Variants in ZMAT4 observed in about 807,000 individuals in gnomAD.
The protein encoded by ZMAT4 is zinc finger matrin-type 4, also known as zinc finger matrin-type protein 4.
ZMAT4 carries 17 observed loss-of-function variants against 28.7 expected under a neutral mutation model. The observed-to-expected ratio is 0.59, with a 90% CI of 0.41 to 0.89. ZMAT4 has a LOEUF of 0.89. Among genes scored for constraint, ZMAT4 ranks in the 40% least tolerant of loss-of-function variants. The pLI is 0.00. For missense variants in ZMAT4, 240 were observed against 283.8 expected (o/e 0.85, Z 1.11); for synonymous variants, 117 against 109.2 (o/e 1.07, Z -0.44).
At chr8:40,578,803 G>T (rs920435034) in intron 6 of ZMAT4, among the ~76,000 whole-genome samples, 1 of 152,208 alleles carries the variant, frequency 6.6e-6, no homozygotes, top group Non-Finnish European at 1.5e-5. Flanking sequence ...TATAAGAGAT[G>T]TTCCCTTCTG....
chr8:40,555,830 T>G (rs1397892910), intron 6 of ZMAT4, among the ~76,000 whole-genome samples: 2 of 152,110 alleles, frequency 1.3e-5, no homozygotes, highest in Non-Finnish European at 1.5e-5. Context: ...CTCCTCCTAC[T>G]CACAGACAGG....
chr8:40,640,671 A>T (rs1019007485), intron 5 of ZMAT4, among the ~76,000 whole-genome samples: 10 of 152,054 alleles, frequency 6.6e-5, no homozygotes, highest in Non-Finnish European at 1.5e-5. Flanking sequence ...TTAAAAAAAA[A>T]GTATAGAGGC....
intron 4 of ZMAT4, among the ~76,000 whole-genome samples, chr8:40,684,091 A>C (rs989864714): frequency 6.6e-6 from 1 of 152,088 alleles, no homozygotes; most frequent in African/African-American, 2.4e-5. Context: ...TCAGATGGCT[A>C]CTAAATTATT....
chr8:40,689,828 A>G (rs1274349389), intron 4 of ZMAT4, among the ~76,000 whole-genome samples: 2 of 152,120 alleles, frequency 1.3e-5, no homozygotes, highest in Admixed American at 6.6e-5. Flanking sequence ...CCTTTATAAA[A>G]GTATGTCAAA....
At chr8:40,732,740 C>A (rs2150527556) in intron 3 of ZMAT4, among the ~76,000 whole-genome samples, 1 of 152,002 alleles carries the variant, frequency 6.6e-6, no homozygotes, top group South Asian at 2.1e-4. Context: ...GGCCCTGAGG[C>A]CTGGATGCCC....
chr8:40,877,497 A>G (rs1179373399), intron 1 of ZMAT4, among the ~76,000 whole-genome samples: 3 of 152,212 alleles, frequency 2.0e-5, no homozygotes, highest in Non-Finnish European at 4.4e-5. Flanking sequence ...GACAGGAGCT[A>G]ATTTAATTCA....
chr8:40,564,436 G>C (rs764694175), intron 6 of ZMAT4, among the ~76,000 whole-genome samples: 1 of 151,920 alleles, frequency 6.6e-6, no homozygotes, highest in Admixed American at 6.6e-5. Context: ...TTTCAGTCTC[G>C]GGCCACCCCC....
At chr8:40,659,656 A>G (rs1324234824) in intron 5 of ZMAT4, among the ~76,000 whole-genome samples, 1 of 152,130 alleles carries the variant, frequency 6.6e-6, no homozygotes, top group Non-Finnish European at 1.5e-5. Context: ...CAGACTCACA[A>G]TTTATTGTTC....
At chr8:40,802,266 T>G (rs528496355) in intron 2 of ZMAT4, among the ~76,000 whole-genome samples, 2 of 152,328 alleles carry the variant, frequency 1.3e-5, no homozygotes, top group African/African-American at 4.8e-5. Flanking sequence ...GTATACCTTT[T>G]GGGAAGAAAG....
intron 1 of ZMAT4, among the ~76,000 whole-genome samples, chr8:40,842,014 A>G (rs1387141028): frequency 2.0e-5 from 3 of 152,274 alleles, no homozygotes; most frequent in Non-Finnish European, 4.4e-5. Flanking sequence ...CTTTCTGATT[A>G]GAAAATGATG....
intron 1 of ZMAT4, among the ~76,000 whole-genome samples, chr8:40,826,414 A>T (rs1816044372): frequency 6.6e-6 from 1 of 152,198 alleles, no homozygotes; most frequent in African/African-American, 2.4e-5. Context: ...ACATAATTTT[A>T]ATAGCACTTA....
chr8:40,567,556 C>G (rs902720894), intron 6 of ZMAT4, among the ~76,000 whole-genome samples: 5 of 151,944 alleles, frequency 3.3e-5, no homozygotes, highest in Admixed American at 2.0e-4. Flanking sequence ...CATGGTGAAA[C>G]CCTGTCCCTA....
chr8:40,695,371 G>T (rs2150492259), intron 4 of ZMAT4, among the ~76,000 whole-genome samples: 1 of 152,290 alleles, frequency 6.6e-6, no homozygotes, highest in African/African-American at 2.4e-5. Context: ...GATCCTTTCT[G>T]CTCAAAGCAG....
chr8:40,687,350 C>G lies in ZMAT4; in HGVS notation c.349+9895G>C, dbSNP rs16889870. Among the ~76,000 whole-genome samples, 1,471 of 152,138 alleles carry G rather than the reference C, an allele frequency of 9.7e-3. 12 individuals are homozygous for G. Among genetic ancestry groups the G allele is most frequent in the African/African-American group, 0.032 (1,315 of 41,508 alleles). On this transcript the variant is annotated intron_variant, in intron 4 of 6. Coordinates refer to ENST00000297737, the MANE Select transcript of ZMAT4 (RefSeq NM_024645.3). ...AAGGGAGCTGATCCCTGATGTGAAG[C>G]CATGCTGACTGTCCCGGGGAGGGCG...
intron 5 of ZMAT4, among the ~76,000 whole-genome samples, chr8:40,663,407 C>G (rs1277521499): frequency 1.3e-5 from 2 of 152,200 alleles, no homozygotes; most frequent in African/African-American, 4.8e-5. Flanking sequence ...CTCCCTTCCT[C>G]AGACTTCAAA....
At chr8:40,669,370 A>G (rs1260568878) in intron 5 of ZMAT4, among the ~76,000 whole-genome samples, 1 of 152,098 alleles carries the variant, frequency 6.6e-6, no homozygotes, top group East Asian at 1.9e-4. Flanking sequence ...GTAGAGAAAC[A>G]TTTTTAGAGA....
At position 40,859,787 on chromosome 8, in the gene ZMAT4, G is replaced by A. The variant is rs191145798; in HGVS notation, c.-4-34107C>T. Among the ~76,000 whole-genome samples, 16 of 151,832 alleles carry A rather than the reference G, an allele frequency of 1.1e-4. No individual in the cohort carries two copies. In the East Asian group the frequency reaches 3.1e-3, roughly 29 times the overall value. Reference sequence around the variant, plus strand: ...TATGAGCAGCCAAGTTAGGTCATGAGGGGTGAGTGGAAAAAAAAAAGGCAG... The same window carrying A: ...TATGAGCAGCCAAGTTAGGTCATGAAGGGTGAGTGGAAAAAAAAAAGGCAG... On this transcript the variant is annotated intron_variant, in intron 1 of 6. Coordinates refer to ENST00000297737, the MANE Select transcript of ZMAT4 (RefSeq NM_024645.3).
At chr8:40,669,922 G>C (rs79948408) in intron 5 of ZMAT4, among the ~76,000 whole-genome samples, 261 of 152,254 alleles carry the variant, frequency 1.7e-3, no homozygotes, top group African/African-American at 6.1e-3. Flanking sequence ...TGAATAGAGA[G>C]ATAGAGGATG....
chr8:40,593,721 C>T (rs1804970310), intron 5 of ZMAT4, among the ~76,000 whole-genome samples: 1 of 152,186 alleles, frequency 6.6e-6, no homozygotes, highest in African/African-American at 2.4e-5. Flanking sequence ...AAAGAAGATG[C>T]TAATTGTCAA....
Sources: allele counts gnomAD v4.1 joint callset (sites outside exome capture counted in the v4.1 genomes callset), GRCh38; gene constraint gnomAD v4.1.1; transcripts MANE v1.5; gene names NCBI Gene and HGNC (gene_info 2026-07-23, HGNC 2026-07-21).